PCDHGA7: variants seen among roughly 807,000 people sequenced by gnomAD.
PCDHGA7 encodes protocadherin gamma-A7.
A neutral mutation model predicts 58.3 loss-of-function variants in PCDHGA7; 44 were observed. That is an observed-to-expected ratio of 0.75 (90% confidence interval 0.59 to 0.97). The LOEUF is 0.97. Ranked by LOEUF, PCDHGA7 falls within the 50% of genes least tolerant of loss-of-function variation. The probability of loss-of-function intolerance (pLI) is 0.00; values close to 1 mark genes in which losing one functional copy is unlikely to be tolerated. For missense variants in PCDHGA7, 1,266 were observed against 1,188.7 expected, an observed-to-expected ratio of 1.06 and a Z score of -0.96; for synonymous variants, 516 against 504.2, an observed-to-expected ratio of 1.02 and a Z score of -0.31.
At chr5:141,407,505 T>TTTTTTTTTTTTTTTTTTTTTTGAGACGG (rs1460306566) in intron 1 of PCDHGA7, among the ~76,000 whole-genome samples, 2 of 152,142 alleles carry the variant, frequency 1.3e-5, no homozygotes, top group African/African-American at 2.4e-5. Context: ...CTGTTTTTCT[T>TTTTTTTTTTTTTTTTTTTTTTGAGACGG]AGGCTATGTA....
intron 1 of PCDHGA7, chr5:141,387,722 C>G: frequency 8.6e-7 from 1 of 1,159,212 alleles, no homozygotes; most frequent in Non-Finnish European, 1.2e-6. Flanking sequence ...TCAGACTCCC[C>G]AGCGCCAGCC....
intron 1 of PCDHGA7, chr5:141,399,103 C>T (rs376000100): frequency 1.5e-5 from 25 of 1,613,604 alleles, no homozygotes; most frequent in East Asian, 6.7e-5. Context: ...ACTGGTTGCA[C>T]AATGTACAGT....
chr5:141,507,716 C>T (rs567867232), intron 3 of PCDHGA7, among the ~76,000 whole-genome samples: 1 of 152,372 alleles, frequency 6.6e-6, no homozygotes, highest in South Asian at 2.1e-4. Flanking sequence ...CCCAAACCCT[C>T]CAAGCAAGTC....
At chr5:141,433,150 G>C (rs1466566074) in intron 1 of PCDHGA7, 5 of 1,613,936 alleles carry the variant, frequency 3.1e-6, no homozygotes, top group Middle Eastern at 1.6e-4. Flanking sequence ...CAGGTGATTC[G>C]GTATTTTCTA....
Position 141,423,691 on chromosome 5 carries a change from T to C in PCDHGA7, c.2424+38368T>C. On this transcript the variant is annotated intron_variant, in intron 1 of 3. Coordinates refer to ENST00000518325, the MANE Select transcript of PCDHGA7 (RefSeq NM_018920.4). Reference sequence around the variant, plus strand: ...ATTTATTTCTCTGCCTCCTAATTGTTGGTGTCTTGGCACAAGTCTTTTAAG... The same window carrying C: ...ATTTATTTCTCTGCCTCCTAATTGTCGGTGTCTTGGCACAAGTCTTTTAAG... 5 of 1,506,830 alleles carry C rather than the reference T, an allele frequency of 3.3e-6. No individual in the cohort carries two copies. The South Asian group carries it at 6.9e-5, about 21-fold the overall frequency. 93.3% of individuals were successfully genotyped at this position (1,506,830 alleles called of 1,614,324 possible).
chr5:141,458,409 G>A (rs188300064), intron 1 of PCDHGA7, among the ~76,000 whole-genome samples: 2 of 152,126 alleles, frequency 1.3e-5, no homozygotes, highest in East Asian at 1.9e-4. Context: ...GAGACGGAGC[G>A]GGGGTTCCAA....
intron 1 of PCDHGA7, chr5:141,388,774 G>A: frequency 3.1e-6 from 5 of 1,613,878 alleles, no homozygotes; most frequent in Non-Finnish European, 4.2e-6. Flanking sequence ...TCTAACACCG[G>A]GGAAATTACT....
chr5:141,400,150 C>T (rs1375670164), intron 1 of PCDHGA7: 3 of 1,613,952 alleles, frequency 1.9e-6, no homozygotes, highest in Non-Finnish European at 2.5e-6. Flanking sequence ...CACTGACCGC[C>T]CTGTACCCTC....
Position 141,476,075 on chromosome 5 carries a change from G to T in PCDHGA7, c.2425-18732G>T. ...TGAAAGTTTCTCAGCGAAATCTCAG[G>T]GACGATCTGGACCCCGCTGAGAGGA... On this transcript the variant is annotated intron_variant, in intron 1 of 3. Coordinates refer to ENST00000518325, the MANE Select transcript of PCDHGA7 (RefSeq NM_018920.4). This position sits in a 1 kb window ranked among gnomAD's most constrained non-coding sequence, Gnocchi z 7.6. The T allele has an allele frequency of 6.6e-7, 1 of 1,526,282 alleles. No homozygotes were observed. The highest frequency in any genetic ancestry group is 1.3e-5 in the South Asian group (1 of 78,462). The allele number at this position is 1,526,282 out of a possible 1,614,324, so 94.5% of individuals were successfully genotyped here.
intron 1 of PCDHGA7, among the ~76,000 whole-genome samples, chr5:141,468,754 T>C (rs1205525962): frequency 6.6e-6 from 1 of 152,036 alleles, no homozygotes; most frequent in Admixed American, 6.6e-5. Flanking sequence ...TAGTCCCAGC[T>C]ACTCGGGAGG....
intron 1 of PCDHGA7, chr5:141,399,064 A>G: frequency 1.2e-6 from 2 of 1,613,762 alleles, no homozygotes; most frequent in Non-Finnish European, 1.7e-6. Flanking sequence ...GGAATATTCA[A>G]TGGTTGTAGA....
intron 1 of PCDHGA7, among the ~76,000 whole-genome samples, chr5:141,474,163 T>A (rs958292802): frequency 2.0e-5 from 3 of 152,178 alleles, no homozygotes; most frequent in Non-Finnish European, 2.9e-5. Flanking sequence ...ATGACAGGCC[T>A]TATTATTGAG....
At chr5:141,494,069 C>T (rs1249076667) in intron 1 of PCDHGA7, among the ~76,000 whole-genome samples, 1 of 152,146 alleles carries the variant, frequency 6.6e-6, no homozygotes, top group Non-Finnish European at 1.5e-5. Context: ...GAGCTGGATC[C>T]CTCCCCGCTG....
intron 1 of PCDHGA7, chr5:141,392,779 T>A: frequency 6.5e-7 from 1 of 1,534,720 alleles, no homozygotes; most frequent in Non-Finnish European, 8.8e-7. Flanking sequence ...TTATGCACAG[T>A]GAAGATTCTG....
chr5:141,415,078 G>T (rs780547982), intron 1 of PCDHGA7: 2 of 1,613,376 alleles, frequency 1.2e-6, no homozygotes, highest in Non-Finnish European at 8.5e-7. Context: ...CACGGCGCGA[G>T]CCCTGCTGGA....
At chr5:141,506,910 G>C (rs1165112258) in intron 3 of PCDHGA7, among the ~76,000 whole-genome samples, 1 of 152,082 alleles carries the variant, frequency 6.6e-6, no homozygotes, top group Admixed American at 6.5e-5. Context: ...ATCACACCTG[G>C]GCACATACTA....
rs766779419 is a variant in PCDHGA7, at chr5:141,389,386, C to G, written c.2424+4063C>G. On this transcript the variant is annotated intron_variant, in intron 1 of 3. Transcript: ENST00000518325. ...GACCTGGAGCAGCGGGAGCTGTCAT[C>G]CTACGTGTCCATAAGCGCGGAGAGC... The G allele has an allele frequency of 1.1e-5, 17 of 1,613,620 alleles. No homozygotes were observed. The highest frequency in any genetic ancestry group is 6.7e-5 in the African/African-American group (5 of 74,960).
Position 141,432,151 on chromosome 5 carries a change from C to T in PCDHGA7, c.2424+46828C>T. 2 of 1,614,122 alleles carry T rather than the reference C, an allele frequency of 1.2e-6. No homozygotes were observed. The highest frequency in any genetic ancestry group is 2.2e-5 in the South Asian group (2 of 91,066). ...CCTATTCCGCTTATATCCCAGAGAA[C>T]AATCCCAGAGGAGTTTCCCTCGTCT... On this transcript the variant is annotated intron_variant, in intron 1 of 3. Transcript: ENST00000518325. The surrounding 1 kb of genome is among the most constrained non-coding windows in gnomAD (Gnocchi z 6.0).
Position 141,477,741 on chromosome 5 carries a change from G to A in PCDHGA7, c.2425-17066G>A, listed in dbSNP as rs1438249932. On this transcript the variant is annotated intron_variant, in intron 1 of 3. Transcript: ENST00000518325. The surrounding 1 kb of genome is among the most constrained non-coding windows in gnomAD (Gnocchi z 4.9). ...GAATTAACAGCTCATATCAGCGATG[G>A]GGGCACCCCGGTCCTAGCCACCAAC... is the stretch of plus-strand genomic sequence containing the variant. 4 of 1,613,802 alleles carry A rather than the reference G, an allele frequency of 2.5e-6. No individual in the cohort carries two copies. The highest frequency in any genetic ancestry group is 1.7e-5 in the Admixed American group (1 of 60,026).
Sources: gnomAD v4.1 joint callset for allele counts (sites outside exome capture counted in the v4.1 genomes callset) on GRCh38, gnomAD v4.1.1 for gene constraint, Gnocchi (gnomAD v3.1) non-coding constraint, MANE v1.5 for transcripts, NCBI Gene and HGNC (gene_info 2026-07-23, HGNC 2026-07-21) for gene names.